Variants in GTPBP1 observed in about 807,000 individuals in gnomAD.
GTPBP1 encodes the protein GTP binding protein 1.
A neutral mutation model predicts 62.0 loss-of-function variants in GTPBP1; 23 were observed. The observed-to-expected ratio is 0.37, with a 90% CI of 0.27 to 0.53. The LOEUF is 0.53. GTPBP1 is among the 20% of genes least tolerant of loss of function. GTPBP1 has a pLI of 0.89. For synonymous variants in GTPBP1, 344 were observed against 364.4 expected (o/e 0.94, Z 0.64); for missense variants, 640 against 917.3 (o/e 0.70, Z 3.90).
intron 2 of GTPBP1, among the ~76,000 whole-genome samples, chr22:38,714,372 G>A (rs553890400): frequency 5.7e-4 from 87 of 151,974 alleles, no homozygotes; most frequent in Non-Finnish European, 9.0e-4. Flanking sequence ...CCAGCTACCT[G>A]GGAGGCTGAG....
chr22:38,737,000 C>T (rs947280692), downstream of GTPBP1, among the ~76,000 whole-genome samples: 1 of 152,190 alleles, frequency 6.6e-6, no homozygotes, highest in African/African-American at 2.4e-5. Flanking sequence ...CATGTCACCA[C>T]ACCCGGCTAA....
At position 38,716,883 on chromosome 22, in the gene GTPBP1, G is replaced by A. The variant is rs2092674116; in HGVS notation, c.717G>A (p.Lys239=). The A allele has an allele frequency of 5.0e-6, 8 of 1,613,858 alleles. No individual in the cohort carries two copies. The highest frequency in any genetic ancestry group is 5.9e-6 in the Non-Finnish European group (7 of 1,179,808). Residue 239 remains lysine (K), a synonymous_variant, in exon 4 of 12, where the codon AAG becomes AAA. Coordinates refer to ENST00000216044, the MANE Select transcript of GTPBP1 (RefSeq NM_004286.5). The surrounding 1 kb of genome is among the most constrained non-coding windows in gnomAD (Gnocchi z 5.2). ...ACGGCGGCAGCCTGGAGTGGACCAAGATCTGTGAGAAGTCCACGAAAGTCA... is the reference window on the plus strand; with the variant it reads ...ACGGCGGCAGCCTGGAGTGGACCAAAATCTGTGAGAAGTCCACGAAAGTCA... ...DSHGGSLEWT[K]ICEKSTKVIT... is the part of the protein sequence containing the mutation.
At chr22:38,711,949 C>T (rs560171742) in intron 2 of GTPBP1, among the ~76,000 whole-genome samples, 84 of 152,008 alleles carry the variant, frequency 5.5e-4, no homozygotes, top group African/African-American at 2.0e-3. Context: ...GGTATGATCT[C>T]GGCTCACTGC....
chr22:38,715,283 C>T (rs1471069763), intron 2 of GTPBP1, among the ~76,000 whole-genome samples: 1 of 152,164 alleles, frequency 6.6e-6, no homozygotes, highest in Admixed American at 6.5e-5. Context: ...TGCTGTCCGT[C>T]TGTTGTGCTG....
At chr22:38,722,161 A>AT (rs2092703823) in intron 5 of GTPBP1, among the ~76,000 whole-genome samples, 2 of 152,232 alleles carry the variant, frequency 1.3e-5, no homozygotes, top group Middle Eastern at 3.2e-3. Flanking sequence ...AATGAATAAA[A>AT]TAAGTAAAAT....
chr22:38,739,964 G>A (rs373047313), downstream of GTPBP1: 6 of 1,604,662 alleles, frequency 3.7e-6, no homozygotes, highest in Non-Finnish European at 5.1e-6. The surrounding 1 kb of genome is among the most constrained non-coding windows in gnomAD (Gnocchi z 6.7). Context: ...CCAAAGGGGT[G>A]TCACCCTGGG....
chr22:38,724,494 G>C, intron 6 of GTPBP1, 83 bp downstream of exon 6: 2 of 794,830 alleles, frequency 2.5e-6, no homozygotes, highest in South Asian at 2.8e-5. Flanking sequence ...ATGGCTGTCA[G>C]TTTGGGCATA....
At chr22:38,740,572 A>C, downstream of GTPBP1, 4 of 919,114 alleles carry the variant, frequency 4.4e-6, no homozygotes, top group Non-Finnish European at 6.2e-6. The surrounding 1 kb of genome is among the most constrained non-coding windows in gnomAD (Gnocchi z 4.8). Flanking sequence ...GAGAAGGGGC[A>C]AGGCCTCTCC....
downstream of GTPBP1, chr22:38,741,554 C>T (rs148566278): frequency 1.4e-5 from 22 of 1,613,964 alleles, no homozygotes; most frequent in African/African-American, 2.5e-4. Flanking sequence ...GCTCTGCTCT[C>T]AGGGCAGACA....
chr22:38,742,428 G>A, downstream of GTPBP1: 1 of 1,613,462 alleles, frequency 6.2e-7, no homozygotes, highest in Non-Finnish European at 8.5e-7. Context: ...CTGGCCAGGA[G>A]CCCCTTGCCG....
In GTPBP1 at chr22:38,726,448, G is replaced by A; in HGVS notation, c.1401+8G>A. The A allele has an allele frequency of 1.2e-6, 2 of 1,610,552 alleles. No individual in the cohort carries two copies. The highest frequency in any genetic ancestry group is 1.7e-6 in the Non-Finnish European group (2 of 1,178,008). ...TCCTTTGCGCTGAAGAAGGTGAGTA[G>A]CGATGATACTGAACGCTCCCCTCAG... On this transcript the variant is annotated splice_region_variant and intron_variant, in intron 8 of 11. Coordinates refer to ENST00000216044, the MANE Select transcript of GTPBP1 (RefSeq NM_004286.5). This position sits in a 1 kb window ranked among gnomAD's most constrained non-coding sequence, Gnocchi z 4.1.
chr22:38,717,336 G>A (rs2092676403), intron 4 of GTPBP1, among the ~76,000 whole-genome samples: 1 of 152,192 alleles, frequency 6.6e-6, no homozygotes, highest in South Asian at 2.1e-4. Context: ...CAGAGGATTG[G>A]GCTACTTTGA....
At chr22:38,736,624 A>C, downstream of GTPBP1, 4 of 354,954 alleles carry the variant, frequency 1.1e-5, no homozygotes, top group East Asian at 1.4e-4. Context: ...TTCATCCACA[A>C]TCGTTTTTTT....
Position 38,732,546 on chromosome 22 carries a change from T to C in GTPBP1, c.*1842T>C, listed in dbSNP as rs1569288570. ...GGGTGTCCTACACAAGGGAAAGGCT[T>C]GCTCAGTGAGCGGTCTGCACACCGT... On this transcript the variant is annotated 3_prime_UTR_variant, in exon 12 of 12. Coordinates refer to ENST00000216044, the MANE Select transcript of GTPBP1 (RefSeq NM_004286.5). The C allele has an allele frequency of 6.6e-6, 1 of 152,276 alleles. No homozygotes were observed. The highest frequency in any genetic ancestry group is 1.5e-5 in the Non-Finnish European group (1 of 68,068). 9.4% of individuals were successfully genotyped at this position (152,276 alleles called of 1,614,324 possible). A position where few individuals can be genotyped will look rare whatever the true frequency, so the allele number is the denominator to read the frequency against.
intron 2 of GTPBP1, among the ~76,000 whole-genome samples, chr22:38,709,798 C>T (rs182419665): frequency 3.4e-4 from 52 of 152,354 alleles, no homozygotes; most frequent in East Asian, 1.7e-3. Context: ...AGGTCGTCCT[C>T]TCTCCCCACT....
intron 1 of GTPBP1, among the ~76,000 whole-genome samples, chr22:38,708,076 T>C (rs745743629): frequency 2.6e-5 from 4 of 152,240 alleles, no homozygotes; most frequent in Non-Finnish European, 5.9e-5. Flanking sequence ...TTACATGTTA[T>C]TATATTTGCT....
At position 38,716,280 on chromosome 22, in the gene GTPBP1, C is replaced by T. The variant is rs2092670010; in HGVS notation, c.485+193C>T. 8.3e-6 allele frequency: 5 copies of T among 603,036 alleles called. No homozygotes were observed. The highest frequency in any genetic ancestry group is 1.2e-5 in the Non-Finnish European group (4 of 340,778). The allele number at this position is 603,036 out of a possible 1,614,324, so 37.4% of individuals were successfully genotyped here. A position where few individuals can be genotyped will look rare whatever the true frequency, so the allele number is the denominator to read the frequency against. On this transcript the variant is annotated intron_variant, in intron 3 of 11. Coordinates refer to ENST00000216044, the MANE Select transcript of GTPBP1 (RefSeq NM_004286.5). The surrounding 1 kb of genome is among the most constrained non-coding windows in gnomAD (Gnocchi z 5.2). ...CACTTTGGGAAGAGCACGAGAGAGGCCAGCCGTGCATTCTGTGGCCATTCT... is the reference window on the plus strand; with the variant it reads ...CACTTTGGGAAGAGCACGAGAGAGGTCAGCCGTGCATTCTGTGGCCATTCT...
At chr22:38,714,383 G>A (rs996552545) in intron 2 of GTPBP1, among the ~76,000 whole-genome samples, 1 of 151,630 alleles carries the variant, frequency 6.6e-6, no homozygotes, top group Non-Finnish European at 1.5e-5. Flanking sequence ...GGAGGCTGAG[G>A]CAGGAGAATC....
downstream of GTPBP1, chr22:38,738,577 A>G: frequency 2.5e-6 from 4 of 1,611,220 alleles, no homozygotes; most frequent in Non-Finnish European, 3.4e-6. This position sits in a 1 kb window ranked among gnomAD's most constrained non-coding sequence, Gnocchi z 6.6. Context: ...ACCACAGGAC[A>G]GATACTCACA....
Sources: gnomAD v4.1 joint callset for allele counts (sites outside exome capture counted in the v4.1 genomes callset) on GRCh38, gnomAD v4.1.1 for gene constraint, Gnocchi (gnomAD v3.1) non-coding constraint, MANE v1.5 for transcripts, NCBI Gene and HGNC (gene_info 2026-07-23, HGNC 2026-07-21) for gene names.